AATK: variants seen among roughly 807,000 people sequenced by gnomAD.
The protein encoded by AATK is serine/threonine-protein kinase LMTK1.
AATK carries 91 observed loss-of-function variants against 114.3 expected under a neutral mutation model. The ratio of observed to expected loss-of-function variants is 0.80; its 90% CI spans 0.67 to 0.95. AATK has a LOEUF of 0.95. Ranked by LOEUF, AATK falls within the 40% of genes least tolerant of loss-of-function variation. AATK has a pLI of 0.00. For missense variants in AATK, 2,176 were observed against 1,965.2 expected (o/e 1.11, Z -2.03); for synonymous variants, 1,075 against 916.5 (o/e 1.17, Z -3.12).
At position 81,122,488 on chromosome 17, in the gene AATK, G is replaced by A. The variant is rs2146288787; in HGVS notation, c.1448C>T (p.Ala483Val). ...RGLNFEYKWE[A>V]GRGAEAFPAT... Reference sequence around the variant, plus strand: ...CGGGAAGGCCTCCGCGCCGCGGCCCGCCTCCCACTTGTACTCAAAATTGAG... The same window carrying A: ...CGGGAAGGCCTCCGCGCCGCGGCCCACCTCCCACTTGTACTCAAAATTGAG... Residue 483 changes from alanine to valine, a missense_variant, in exon 11 of 14, where the codon GCG becomes GTG. Physicochemically the swap from Ala to Val is moderately conservative, Grantham distance 64. Transcript: ENST00000326724. 4.8e-6 allele frequency: 7 copies of A among 1,458,686 alleles called. No homozygotes were observed. Among genetic ancestry groups the A allele is most frequent in the East Asian group, 3.1e-5 (1 of 32,380 alleles). 90.4% of individuals were successfully genotyped at this position (1,458,686 alleles called of 1,614,324 possible).
In AATK at chr17:81,121,010, C is replaced by G. The variant is rs753542405; in HGVS notation, c.2926G>C (p.Glu976Gln). 4 of 1,610,142 alleles carry G rather than the reference C, an allele frequency of 2.5e-6. No homozygotes were observed. The highest frequency in any genetic ancestry group is 3.4e-6 in the Non-Finnish European group (4 of 1,178,948). Residue 976 changes from glutamate to glutamine, a missense_variant, in exon 11 of 14, where the codon GAG (glutamate) becomes CAG (glutamine). Physicochemically the swap from Glu to Gln is conservative, Grantham distance 29. This residue lies in a region of AATK where 1,701 missense variants were observed against 1,394.7 expected (regional missense o/e 1.22). Transcript: ENST00000326724. ...CTGAGGGAGGTGGAGAGCCGTGTCT[C>G]GGGCCCGGGGCCCTCACCCTCTGAG... ...LASEGEGPGP[E>Q]TRLSTSLSGL...
chr17:81,122,614 A>G lies in AATK; in HGVS notation c.1322T>C (p.Leu441Pro). ...AGPMLGGVVE[L>P]AAASSFPLLE... ...CAGCGGGAAGGACGAGGCAGCGGCG[A>G]GCTCCACCACGCCGCCCAGCATGGG... is the stretch of plus-strand genomic sequence containing the variant. The change falls in exon 11 of 14, where the codon CTC becomes CCC. Residue 441 changes from leucine to proline, a missense_variant. Leu to Pro is a moderately conservative substitution (Grantham distance 98, BLOSUM62 -3). Coordinates refer to ENST00000326724, the MANE Select transcript of AATK (RefSeq NM_001080395.3). 7.0e-7 allele frequency: 1 copy of G among 1,422,416 alleles called. No individual in the cohort carries two copies. The allele number at this position is 1,422,416 out of a possible 1,614,324, so 88.1% of individuals were successfully genotyped here. A position where few individuals can be genotyped will look rare whatever the true frequency, so the allele number is the denominator to read the frequency against.
chr17:81,123,209 G>T lies in AATK; in HGVS notation c.1097C>A (p.Thr366Asn). ...GGGCCCTCACCAGCGGTCCGACAGG[G>T]TCAGCTGCAGCTGGGGCTTGGGCAG... ...LKLPKPQLQL[T>N]LSDRWYEVMQ... Residue 366 changes from threonine (T) to asparagine (N), a missense_variant, in exon 10 of 14, where the codon ACC (threonine) becomes AAC (asparagine). This residue lies in a region of AATK where 273 missense variants were observed against 344.1 expected (regional missense o/e 0.79). Coordinates refer to ENST00000326724, the MANE Select transcript of AATK (RefSeq NM_001080395.3). 7.0e-7 allele frequency: 1 copy of T among 1,426,480 alleles called. No homozygotes were observed. Among genetic ancestry groups the T allele is most frequent in the Non-Finnish European group, 9.2e-7 (1 of 1,092,356 alleles). The allele number at this position is 1,426,480 out of a possible 1,614,324, so 88.4% of individuals were successfully genotyped here.
rs1014664046 is a variant in AATK at position 81,122,094 on chromosome 17, C to T, written c.1842G>A (p.Ala614=). 5 of 1,576,508 alleles carry T rather than the reference C, an allele frequency of 3.2e-6. No homozygotes were observed. Among genetic ancestry groups the T allele is most frequent in the Non-Finnish European group, 3.4e-6 (4 of 1,167,874 alleles). ...LCPSRSPSPS[A]GPLSLAEGGA... The stretch of plus-strand genomic sequence containing the variant: ...CTCCCTCCGCCAGACTCAGGGGCCC[C>T]GCCGAGGGCGAGGGAGAGCGTGAGG... Residue 614 remains alanine, a synonymous_variant, in exon 11 of 14, where the codon GCG becomes GCA. Coordinates refer to ENST00000326724, the MANE Select transcript of AATK (RefSeq NM_001080395.3).
rs1191570953 is a variant in AATK at position 81,122,417 on chromosome 17, C to T, written c.1519G>A (p.Ala507Thr). The T allele has an allele frequency of 8.2e-6, 12 of 1,460,846 alleles. No homozygotes were observed. The highest frequency in any genetic ancestry group is 3.0e-5 in the African/African-American group (2 of 67,086). 90.5% of individuals were successfully genotyped at this position (1,460,846 alleles called of 1,614,324 possible). ...ACGCCCGGGGGCGCGCCGTCGGGGG[C>T]GCACAGCTCCTGCAGGCGTGCGGTG... ...GRTARLQELCAPDGAPPGVVP... is the reference protein window; with the variant it reads ...GRTARLQELCTPDGAPPGVVP... The change falls in exon 11 of 14, where the codon GCC (alanine) becomes ACC (threonine). Residue 507 changes from alanine (A) to threonine (T), a missense_variant. Coordinates refer to ENST00000326724, the MANE Select transcript of AATK (RefSeq NM_001080395.3).
At chr17:81,145,080 C>CTAA (rs2061196645) in intron 1 of AATK, among the ~76,000 whole-genome samples, 1 of 151,924 alleles carries the variant, frequency 6.6e-6, no homozygotes, top group African/African-American at 2.4e-5. Flanking sequence ...TAAAAACACA[C>CTAA]AAATTAGCCA....
At chr17:81,163,836 A>T (rs1422688756) in intron 1 of AATK, among the ~76,000 whole-genome samples, 3 of 152,228 alleles carry the variant, frequency 2.0e-5, no homozygotes, top group Non-Finnish European at 4.4e-5. Context: ...ATGAACAAGG[A>T]GCCGGCCCGG....
rs1567824212 is a variant in AATK, at chr17:81,148,804, AC to A, written c.56-14304del. 5.4e-5 allele frequency among the ~76,000 whole-genome samples: 3 copies of A among 55,842 alleles called. No individual in the cohort carries two copies. In the East Asian group the frequency reaches 2.4e-3, roughly 45 times the overall value. 36.6% of individuals were successfully genotyped at this position (55,842 alleles called of 152,430 possible). Reference sequence around the variant, plus strand: ...CTCATGGAGATTCGCATATGCACACACTCACGCGCACACTCACGCACACACC... The same window carrying A: ...CTCATGGAGATTCGCATATGCACACATCACGCGCACACTCACGCACACACC... On this transcript the variant is annotated intron_variant, in intron 1 of 13. Transcript: ENST00000326724.
At position 81,122,769 on chromosome 17, in the gene AATK, C is replaced by G; in HGVS notation, c.1167G>C (p.Glu389Asp). The G allele has an allele frequency of 6.3e-7, 1 of 1,595,758 alleles. No homozygotes were observed. The highest frequency in any genetic ancestry group is 8.5e-7 in the Non-Finnish European group (1 of 1,172,736). ...GGTAGGACAGCAGCAGGTGCACCTC[C>G]TCGGCTGTGGGCCGCTGCTCGGGCT... ...WLQPEQRPTA[E>D]EVHLLLSYLC... Residue 389 changes from glutamate (E) to aspartate (D), a missense_variant, in exon 11 of 14, where the codon GAG (glutamate) becomes GAC (aspartate). By Grantham distance (45) the Glu-to-Asp change is conservative. Coordinates refer to ENST00000326724, the MANE Select transcript of AATK (RefSeq NM_001080395.3).
intron 1 of AATK, among the ~76,000 whole-genome samples, chr17:81,135,112 C>A (rs953994628): frequency 3.3e-5 from 5 of 152,206 alleles, no homozygotes; most frequent in Non-Finnish European, 5.9e-5. Flanking sequence ...TCTGGTGCTG[C>A]TTCTGTCCTG....
Position 81,127,875 on chromosome 17 carries a change from ACTG to A in AATK, c.447_449del (p.Ser150del). ...GCAGCTCCTTCACCACCACCTGGGC[ACTG>A]CTGATGCCAGAGTTCACCTCCCCCA... On this transcript the variant is annotated inframe_deletion, in exon 5 of 14. Transcript: ENST00000326724. 2 of 1,549,176 alleles carry A rather than the reference ACTG, an allele frequency of 1.3e-6. No individual in the cohort carries two copies. The highest frequency in any genetic ancestry group is 1.2e-5 in the South Asian group (1 of 83,990).
At chr17:81,141,494 A>G (rs1461852091) in intron 1 of AATK, among the ~76,000 whole-genome samples, 2 of 152,204 alleles carry the variant, frequency 1.3e-5, no homozygotes, top group African/African-American at 4.8e-5. Flanking sequence ...GACTTCCAGA[A>G]CCTACGATAA....
chr17:81,126,079 C>T lies in AATK; in HGVS notation c.755+348G>A. On this transcript the variant is annotated intron_variant, in intron 7 of 13. Transcript: ENST00000326724. This position sits in a 1 kb window ranked among gnomAD's most constrained non-coding sequence, Gnocchi z 5.1. ...AGGACAGAACCCTCCCTCCAGGGTC[C>T]TTCGAAGCAGGGTCTGTCTCCCTCA... The T allele has an allele frequency of 2.1e-6, 1 of 480,626 alleles. No homozygotes were observed. Among genetic ancestry groups the T allele is most frequent in the South Asian group, 1.6e-5 (1 of 61,934 alleles). The allele number at this position is 480,626 out of a possible 1,614,324, so 29.8% of individuals were successfully genotyped here.
At chr17:81,141,020 C>T (rs1350734900) in intron 1 of AATK, among the ~76,000 whole-genome samples, 4 of 133,496 alleles carry the variant, frequency 3.0e-5, no homozygotes, top group Non-Finnish European at 6.4e-5. Flanking sequence ...GCCCATGAGC[C>T]GTGGGGACCG....
chr17:81,121,885 G>A lies in AATK; in HGVS notation c.2051C>T (p.Ala684Val). 6.2e-7 allele frequency: 1 copy of A among 1,600,208 alleles called. No homozygotes were observed. ...ACAGCGGCTGCCGCTGTTGTTGTTG[G>A]CTGACACGTTGGAGCGCCAGTGCCC... is the stretch of plus-strand genomic sequence containing the variant. ...QRGHWRSNVS[A>V]NNNSGSRCPE... is the part of the protein sequence containing the mutation. Residue 684 changes from alanine to valine, a missense_variant, in exon 11 of 14, where the codon GCC (alanine) becomes GTC (valine). Physicochemically the swap from Ala to Val is moderately conservative, Grantham distance 64. This residue lies in a region of AATK where 1,701 missense variants were observed against 1,394.7 expected (regional missense o/e 1.22). Coordinates refer to ENST00000326724, the MANE Select transcript of AATK (RefSeq NM_001080395.3).
At chr17:81,156,843 A>C (rs1257681318) in intron 1 of AATK, among the ~76,000 whole-genome samples, 1 of 152,222 alleles carries the variant, frequency 6.6e-6, no homozygotes, top group Non-Finnish European at 1.5e-5. Context: ...CAGAGAGCCC[A>C]GTCCAGCAGA....
chr17:81,157,947 ACAGCCGGGCATC>A (rs2061386610), intron 1 of AATK, among the ~76,000 whole-genome samples: 1 of 152,208 alleles, frequency 6.6e-6, no homozygotes, highest in Non-Finnish European at 1.5e-5. Flanking sequence ...CGGCCCTGAC[ACAGCCGGGCATC>A]CAGCTGGCCC....
In AATK at chr17:81,127,773, G is replaced by A; in HGVS notation, c.533+19C>T. ...AGGGGGCCGCACAGCACAGGCCTTT[G>A]TGCCCGGTGGCCTCCCACCTGTAGG... On this transcript the variant is annotated intron_variant, in intron 5 of 13. Coordinates refer to ENST00000326724, the MANE Select transcript of AATK (RefSeq NM_001080395.3). 1 of 1,504,196 alleles carries A rather than the reference G, an allele frequency of 6.6e-7. No homozygotes were observed. Among genetic ancestry groups the A allele is most frequent in the South Asian group, 1.2e-5 (1 of 83,086 alleles). The allele number at this position is 1,504,196 out of a possible 1,614,324, so 93.2% of individuals were successfully genotyped here.
At chr17:81,125,879 G>A (rs1329465020) in intron 7 of AATK, 1 of 467,646 alleles carries the variant, frequency 2.1e-6, no homozygotes, top group Non-Finnish European at 4.4e-6. Context: ...GCTGGCAGCT[G>A]CCCTCTTCAA....
Sources: allele counts gnomAD v4.1 joint callset (sites outside exome capture counted in the v4.1 genomes callset), GRCh38; gene constraint gnomAD v4.1.1; regional missense constraint gnomAD v4.1.1; non-coding constraint Gnocchi (gnomAD v3.1); transcripts MANE v1.5; gene names NCBI Gene and HGNC (gene_info 2026-07-23, HGNC 2026-07-21).